The following SOX5 variants were observed in gnomAD, a reference collection of about 807,000 sequenced individuals.
SOX5 encodes the protein transcription factor SOX-5.
SOX5 carries 9 observed loss-of-function variants against 92.0 expected under a neutral mutation model. That is an observed-to-expected ratio of 0.10 (90% CI 0.06 to 0.17). The LOEUF (loss-of-function observed/expected upper bound fraction) is 0.17, where lower values mean the gene tolerates loss of function less well. SOX5 is among the 10% of genes least tolerant of loss of function. The pLI is 1.00. For synonymous variants in SOX5, 344 were observed against 336.3 expected, an observed-to-expected ratio of 1.02 and a Z score of -0.25; for missense variants, 642 against 944.5, an observed-to-expected ratio of 0.68 and a Z score of 4.20.
chr12:23,843,477 T>TA (rs949786692), intron 3 of SOX5, among the ~76,000 whole-genome samples: 3 of 148,786 alleles, frequency 2.0e-5, no homozygotes, highest in Admixed American at 6.8e-5. Context: ...AAACTGTTTT[T>TA]AAAAAAAATA....
intron 1 of SOX5, among the ~76,000 whole-genome samples, chr12:24,392,362 A>G (rs867669119): frequency 6.6e-6 from 1 of 152,088 alleles, no homozygotes; most frequent in African/African-American, 2.4e-5. Context: ...TGATCTTACT[A>G]TGCCTTCCTT....
At chr12:24,277,482 A>T (rs1595081362) in intron 2 of SOX5, among the ~76,000 whole-genome samples, 1 of 120,678 alleles carries the variant, frequency 8.3e-6, no homozygotes, top group Admixed American at 1.0e-4. Flanking sequence ...ATATATAAAT[A>T]TATATGTAAA....
intron 3 of SOX5, among the ~76,000 whole-genome samples, chr12:23,840,791 C>G (rs904852618): frequency 1.3e-5 from 2 of 152,004 alleles, no homozygotes; most frequent in African/African-American, 4.8e-5. Flanking sequence ...AAAACAAAAA[C>G]AAATTGAATG....
At chr12:24,123,560 TGAA>T (rs1342760675) in intron 4 of SOX5, among the ~76,000 whole-genome samples, 1 of 152,204 alleles carries the variant, frequency 6.6e-6, no homozygotes, top group East Asian at 1.9e-4. Context: ...AGTTGAAATG[TGAA>T]TAATTGGATA....
intron 1 of SOX5, among the ~76,000 whole-genome samples, chr12:24,536,797 G>A (rs769982036): frequency 1.1e-4 from 16 of 152,126 alleles, no homozygotes; most frequent in South Asian, 2.1e-4. Context: ...AGCAGCATTC[G>A]TAATGTTATT....
At chr12:23,802,576 A>G (rs1336608683) in intron 3 of SOX5, among the ~76,000 whole-genome samples, 1 of 152,072 alleles carries the variant, frequency 6.6e-6, no homozygotes, top group African/African-American at 2.4e-5. Context: ...GGAAATCAGC[A>G]TAGCTTGTCT....
chr12:23,749,842 G>A (rs2094128326), intron 4 of SOX5, among the ~76,000 whole-genome samples: 1 of 151,778 alleles, frequency 6.6e-6, no homozygotes, highest in Non-Finnish European at 1.5e-5. Context: ...CCCAAAACAT[G>A]GCATTTTTCA....
intron 1 of SOX5, among the ~76,000 whole-genome samples, chr12:23,933,763 G>C (rs1330971388): frequency 1.3e-5 from 2 of 151,494 alleles, no homozygotes; most frequent in Non-Finnish European, 3.0e-5. Flanking sequence ...GTTTCCTGAG[G>C]AAAATTCTTG....
intron 4 of SOX5, among the ~76,000 whole-genome samples, chr12:23,964,655 A>G (rs1947334266): frequency 6.6e-6 from 1 of 152,228 alleles, no homozygotes; most frequent in South Asian, 2.1e-4. Flanking sequence ...TTCTATTTAT[A>G]TAAGTAATAT....
intron 1 of SOX5, among the ~76,000 whole-genome samples, chr12:24,414,267 T>C (rs1000153387): frequency 6.6e-6 from 1 of 152,144 alleles, no homozygotes; most frequent in Non-Finnish European, 1.5e-5. Context: ...GATCTTCCTA[T>C]TTTTTTAGAC....
chr12:23,814,055 A>C (rs962285829), intron 3 of SOX5, among the ~76,000 whole-genome samples: 1 of 152,158 alleles, frequency 6.6e-6, no homozygotes, highest in African/African-American at 2.4e-5. Context: ...CTTTTTATAA[A>C]TTAAAAGAAT....
rs1959198301 is a variant in SOX5 at position 24,393,834 on chromosome 12, C to T, written c.-250-25195G>A. Among the ~76,000 whole-genome samples the T allele has an allele frequency of 6.6e-6, 1 of 152,156 alleles. No individual in the cohort carries two copies. The highest frequency in any genetic ancestry group is 2.4e-5 in the African/African-American group (1 of 41,450). On this transcript the variant is annotated intron_variant, in intron 1 of 4. Transcript: ENST00000446891. The surrounding 1 kb of genome is among the most constrained non-coding windows in gnomAD (Gnocchi z 5.0). ...TACATATGCAATACAACACATACCT[C>T]TTTCTTCAAAAGTTTAAAAGAGAAT...
chr12:24,287,454 G>A (rs894530472), intron 2 of SOX5, among the ~76,000 whole-genome samples: 5 of 152,044 alleles, frequency 3.3e-5, no homozygotes, highest in East Asian at 1.9e-4. Context: ...CTTCCTTGCC[G>A]CTGTCAGCCA....
chr12:24,120,949 T>C (rs1948549288), intron 4 of SOX5, among the ~76,000 whole-genome samples: 2 of 152,336 alleles, frequency 1.3e-5, no homozygotes, highest in East Asian at 1.9e-4. Flanking sequence ...TTGTGGTTGA[T>C]GCAGGTGATC....
chr12:24,551,624 C>T (rs888489354), intron 1 of SOX5, among the ~76,000 whole-genome samples: 8 of 152,234 alleles, frequency 5.3e-5, no homozygotes, highest in Non-Finnish European at 1.0e-4. Context: ...TCCCTATCCT[C>T]ATGCGGTAAC....
At chr12:24,145,682 T>C (rs1016413912) in intron 4 of SOX5, among the ~76,000 whole-genome samples, 1 of 152,090 alleles carries the variant, frequency 6.6e-6, no homozygotes, top group East Asian at 1.9e-4. Flanking sequence ...TTTTTTGTAT[T>C]CTTTTGTAGA....
rs186228468 is a variant in SOX5 at position 24,302,747 on chromosome 12, A to G, written c.-173-25435T>C. On this transcript the variant is annotated intron_variant, in intron 2 of 4. Transcript: ENST00000446891. ...ATTTCAATACTAAAAATGAAGGGAGAATGTCATCATTGTTGCCCAGAATCA... is the reference window on the plus strand; with the variant it reads ...ATTTCAATACTAAAAATGAAGGGAGGATGTCATCATTGTTGCCCAGAATCA... 3.5e-3 allele frequency among the ~76,000 whole-genome samples: 539 copies of G among 152,298 alleles called. 4 individuals carry two copies. The highest frequency in any genetic ancestry group is 0.016 in the South Asian group (75 of 4,826).
At chr12:23,818,559 A>T (rs557616042) in intron 3 of SOX5, among the ~76,000 whole-genome samples, 5 of 152,200 alleles carry the variant, frequency 3.3e-5, no homozygotes, top group Non-Finnish European at 7.3e-5. Flanking sequence ...TAAACACTCG[A>T]TTCTTAGACT....
At chr12:23,754,404 T>C (rs1171538073) in intron 4 of SOX5, among the ~76,000 whole-genome samples, 2 of 151,872 alleles carry the variant, frequency 1.3e-5, no homozygotes, top group East Asian at 1.9e-4. Flanking sequence ...CCTCTGAAGA[T>C]GAAAACTTCT....
Sources: gnomAD v4.1 joint callset for allele counts (sites outside exome capture counted in the v4.1 genomes callset) on GRCh38, gnomAD v4.1.1 for gene constraint, Gnocchi (gnomAD v3.1) non-coding constraint, MANE v1.5 for transcripts, NCBI Gene and HGNC (gene_info 2026-07-23, HGNC 2026-07-21) for gene names.